ANK3: variants seen among roughly 807,000 people sequenced by gnomAD.
ANK3 encodes ankyrin-3.
ANK3 carries 57 observed loss-of-function variants against 370.9 expected under a neutral mutation model. The ratio of observed to expected loss-of-function variants is 0.15; its 90% CI spans 0.12 to 0.19. ANK3 has a LOEUF of 0.19. Ranked by LOEUF, ANK3 falls within the 10% of genes least tolerant of loss-of-function variation. The pLI, the probability that ANK3 is intolerant of heterozygous loss-of-function variation, is 1.00. For missense variants in ANK3, 4,439 were observed against 5,302.1 expected, an observed-to-expected ratio of 0.84 and a Z score of 5.06; for synonymous variants, 1,929 against 1,946.3, an observed-to-expected ratio of 0.99 and a Z score of 0.23.
At chr10:60,665,627 G>A (rs925304800) in intron 1 of ANK3, among the ~76,000 whole-genome samples, 5 of 152,054 alleles carry the variant, frequency 3.3e-5, no homozygotes, top group African/African-American at 1.2e-4. Flanking sequence ...TGATATTCCA[G>A]GAATTTATGA....
At chr10:60,442,355 C>T (rs1291639853) in intron 2 of ANK3, among the ~76,000 whole-genome samples, 5 of 152,236 alleles carry the variant, frequency 3.3e-5, no homozygotes, top group Non-Finnish European at 5.9e-5. Flanking sequence ...CTTGGCCTCC[C>T]AAATTGCTGG....
At chr10:60,442,176 A>G (rs1252386995) in intron 2 of ANK3, among the ~76,000 whole-genome samples, 2 of 150,810 alleles carry the variant, frequency 1.3e-5, no homozygotes, top group East Asian at 3.9e-4. Flanking sequence ...ACTCACCACA[A>G]CCTCTGCCTT....
chr10:60,380,938 A>C (rs2061468120), intron 1 of ANK3, among the ~76,000 whole-genome samples: 1 of 152,128 alleles, frequency 6.6e-6, no homozygotes, highest in East Asian at 1.9e-4. Context: ...TCGCAGGGAG[A>C]AGGGAATCCG....
At chr10:60,528,366 C>T (rs1187010034) in intron 2 of ANK3, among the ~76,000 whole-genome samples, 1 of 151,980 alleles carries the variant, frequency 6.6e-6, no homozygotes, top group Non-Finnish European at 1.5e-5. Flanking sequence ...GAACTCCCAA[C>T]CTCAGGCAAT....
chr10:60,084,594 C>T lies in ANK3; in HGVS notation c.4074+8G>A. On this transcript the variant is annotated splice_region_variant and intron_variant, in intron 32 of 43. Coordinates refer to ENST00000280772, the MANE Select transcript of ANK3 (RefSeq NM_020987.5). ...AATGAAATGAACTTGTTTTTGTGAA[C>T]AAGGTACCTCAATATCTTTGCTTCT... is the stretch of plus-strand genomic sequence containing the variant. 1.9e-6 allele frequency: 3 copies of T among 1,611,428 alleles called. No individual in the cohort carries two copies. The South Asian group carries it at 3.3e-5, about 18-fold the overall frequency.
In ANK3 at chr10:60,646,078, G is replaced by T. The variant is rs142226359; in HGVS notation, c.58-30854C>A. On this transcript the variant is annotated intron_variant, in intron 1 of 43. Transcript: ENST00000373827. ...CATTTAAACTGACACTGGGTTGGGG[G>T]CCTTCAAGAGAGTACCAGGCAAAGA... 2.0e-3 allele frequency among the ~76,000 whole-genome samples: 309 copies of T among 152,232 alleles called. 1 individual carries two copies. Among genetic ancestry groups the T allele is most frequent in the African/African-American group, 7.0e-3 (291 of 41,548 alleles).
At chr10:60,597,524 T>C (rs1021503441) in intron 2 of ANK3, among the ~76,000 whole-genome samples, 2 of 152,190 alleles carry the variant, frequency 1.3e-5, no homozygotes, top group Non-Finnish European at 2.9e-5. Context: ...GCACAATCCC[T>C]GGTTATAACA....
intron 2 of ANK3, among the ~76,000 whole-genome samples, chr10:60,599,466 A>G (rs1444528043): frequency 6.6e-6 from 1 of 152,250 alleles, no homozygotes; most frequent in Non-Finnish European, 1.5e-5. Context: ...GGCTATTTCT[A>G]TGTGAGGCAG....
At chr10:60,122,755 C>G (rs1418002752) in intron 25 of ANK3, among the ~76,000 whole-genome samples, 1 of 152,186 alleles carries the variant, frequency 6.6e-6, no homozygotes, top group Non-Finnish European at 1.5e-5. Flanking sequence ...AAGACTTTCA[C>G]TTATATTAGC....
chr10:60,510,832 T>TAAATA (rs949429863), intron 2 of ANK3, among the ~76,000 whole-genome samples: 12 of 151,702 alleles, frequency 7.9e-5, no homozygotes, highest in Admixed American at 2.0e-4. Flanking sequence ...AATAAATAAA[T>TAAATA]AAATAAAATA....
intron 2 of ANK3, among the ~76,000 whole-genome samples, chr10:60,414,954 G>A (rs1044712726): frequency 1.3e-5 from 2 of 152,230 alleles, no homozygotes; most frequent in South Asian, 2.1e-4. Context: ...CACAATGACT[G>A]TGAGAACAGA....
chr10:60,402,178 T>C (rs79393937), intron 2 of ANK3, among the ~76,000 whole-genome samples: 279 of 152,346 alleles, frequency 1.8e-3, no homozygotes, highest in Middle Eastern at 3.4e-3. Flanking sequence ...TTTTGAATTA[T>C]TCAAGTATTA....
At chr10:60,401,537 T>TC (rs1157207024) in intron 2 of ANK3, among the ~76,000 whole-genome samples, 1 of 152,208 alleles carries the variant, frequency 6.6e-6, no homozygotes, top group Non-Finnish European at 1.5e-5. Context: ...TTGTATATTA[T>TC]CCCAAGCATC....
chr10:60,383,646 G>A (rs576068608), intron 1 of ANK3, among the ~76,000 whole-genome samples: 8 of 152,076 alleles, frequency 5.3e-5, no homozygotes, highest in African/African-American at 1.9e-4. Flanking sequence ...TTATGGTACA[G>A]AATATCAAGT....
chr10:60,476,660 T>G (rs2133092695), intron 2 of ANK3, among the ~76,000 whole-genome samples: 1 of 152,228 alleles, frequency 6.6e-6, no homozygotes, highest in African/African-American at 2.4e-5. Flanking sequence ...GAATTTACAG[T>G]CAAAATTCTG....
chr10:60,438,291 C>T lies in ANK3; in HGVS notation c.97-158652G>A, dbSNP rs7081317. ...TGTATGTATGTATTGAAGAGTGAGG[C>T]TTGGATGGCCAGGACAGGCATTAAA... On this transcript the variant is annotated intron_variant, in intron 2 of 43. Coordinates refer to the ANK3 transcript ENST00000373827. 2.0e-3 allele frequency among the ~76,000 whole-genome samples: 307 copies of T among 151,938 alleles called. 2 individuals are homozygous for T. Among genetic ancestry groups the T allele is most frequent in the African/African-American group, 7.1e-3 (294 of 41,448 alleles).
At chr10:60,467,056 T>C (rs1224069686) in intron 2 of ANK3, among the ~76,000 whole-genome samples, 1 of 152,114 alleles carries the variant, frequency 6.6e-6, no homozygotes, top group African/African-American at 2.4e-5. Context: ...ATATTTTAAA[T>C]GAGTCAAATG....
At chr10:60,614,362 A>T (rs2078240308) in intron 2 of ANK3, among the ~76,000 whole-genome samples, 2 of 152,160 alleles carry the variant, frequency 1.3e-5, no homozygotes, top group Non-Finnish European at 2.9e-5. Flanking sequence ...ACCAAGTTAA[A>T]CGTTTTGTTT....
intron 33 of ANK3, 92 bp from the exon 34 acceptor site, chr10:60,082,829 C>A: frequency 7.1e-7 from 1 of 1,407,616 alleles, no homozygotes; most frequent in Non-Finnish European, 9.6e-7. Context: ...TTTTATCAAG[C>A]CCTATGAGAG....
Sources: gnomAD v4.1 joint callset for allele counts (sites outside exome capture counted in the v4.1 genomes callset) on GRCh38, gnomAD v4.1.1 for gene constraint, MANE v1.5 for transcripts, NCBI Gene and HGNC (gene_info 2026-07-23, HGNC 2026-07-21) for gene names.